CREG2: variants seen among roughly 807,000 people sequenced by gnomAD.
The protein encoded by CREG2 is protein CREG2.
A neutral mutation model predicts 26.2 loss-of-function variants in CREG2; 24 were observed. The ratio of observed to expected loss-of-function variants is 0.92; its 90% CI spans 0.66 to 1.29. The LOEUF (loss-of-function observed/expected upper bound fraction) is 1.29. Ranked by LOEUF, CREG2 falls within the 50% of genes most tolerant of loss-of-function variation. The pLI is 0.00. For synonymous variants in CREG2, 174 were observed against 169.2 expected (o/e 1.03, Z -0.22); for missense variants, 366 against 398.6 (o/e 0.92, Z 0.70).
At chr2:101,362,310 G>GA (rs900596940) in intron 2 of CREG2, among the ~76,000 whole-genome samples, 4 of 151,868 alleles carry the variant, frequency 2.6e-5, no homozygotes, top group Admixed American at 2.6e-4. Context: ...GAGGGAGAGA[G>GA]AAAAAAAATC....
intron 2 of CREG2, among the ~76,000 whole-genome samples, chr2:101,373,439 G>T (rs1684742620): frequency 6.6e-6 from 1 of 152,130 alleles, no homozygotes; most frequent in Admixed American, 6.5e-5. Context: ...TGATTGCCAG[G>T]GGCTAAAAGT....
chr2:101,384,631 G>C (rs1335394247), intron 1 of CREG2, among the ~76,000 whole-genome samples: 2 of 152,162 alleles, frequency 1.3e-5, no homozygotes, highest in Non-Finnish European at 2.9e-5. Flanking sequence ...TGTAATCCTA[G>C]CATTTTGGGA....
At chr2:101,369,590 C>A (rs946408687) in intron 2 of CREG2, among the ~76,000 whole-genome samples, 3 of 152,160 alleles carry the variant, frequency 2.0e-5, no homozygotes, top group African/African-American at 7.2e-5. Flanking sequence ...AAAAGAGCTT[C>A]TCTCTCCCAC....
chr2:101,351,620 G>A (rs1246693669), intron 3 of CREG2, among the ~76,000 whole-genome samples: 1 of 152,172 alleles, frequency 6.6e-6, no homozygotes, highest in Admixed American at 6.5e-5. Flanking sequence ...GAGCTACTGA[G>A]GCAGGTGAGA....
intron 2 of CREG2, 152 bp downstream of exon 2, chr2:101,383,381 G>T: frequency 1.4e-6 from 1 of 725,332 alleles, no homozygotes; most frequent in Non-Finnish European, 2.2e-6. Flanking sequence ...CTTGGTGAGT[G>T]GTGGAATTCT....
At chr2:101,369,846 A>G (rs1374138781) in intron 2 of CREG2, among the ~76,000 whole-genome samples, 2 of 152,236 alleles carry the variant, frequency 1.3e-5, no homozygotes, top group Non-Finnish European at 2.9e-5. Flanking sequence ...ATTTAGAGCA[A>G]GTTTCATGTC....
At chr2:101,357,351 C>G (rs544048698) in intron 2 of CREG2, among the ~76,000 whole-genome samples, 1 of 152,318 alleles carries the variant, frequency 6.6e-6, no homozygotes, top group East Asian at 1.9e-4. Context: ...AAGCTGTCAC[C>G]TCCTACTAAT....
At position 101,387,270 on chromosome 2, in the gene CREG2, A is replaced by G; in HGVS notation, c.188T>C (p.Leu63Pro). The change falls in exon 1 of 4, where the codon CTA (leucine) becomes CCA (proline). Residue 63 changes from leucine to proline, a missense_variant. By Grantham distance (98) the Leu-to-Pro change is moderately conservative. This residue lies in a region of CREG2 where 177 missense variants were observed against 183.3 expected (regional missense o/e 0.97). Coordinates refer to ENST00000324768, the MANE Select transcript of CREG2 (RefSeq NM_153836.4). This position sits in a 1 kb window ranked among gnomAD's most constrained non-coding sequence, Gnocchi z 4.7. Reference sequence around the variant, plus strand: ...CTGCCAGATGCTGCCCGAATCCTCTAGCAGCGCGGGCATAGCCTCCTCAGT... The same window carrying G: ...CTGCCAGATGCTGCCCGAATCCTCTGGCAGCGCGGGCATAGCCTCCTCAGT... Reference protein sequence around the residue: ...ASTEEAMPALLEDSGSIWQQS... With the variant: ...ASTEEAMPALPEDSGSIWQQS... The G allele has an allele frequency of 2.0e-6, 3 of 1,476,818 alleles. No homozygotes were observed. Among genetic ancestry groups the G allele is most frequent in the Non-Finnish European group, 2.7e-6 (3 of 1,105,720 alleles). 91.5% of individuals were successfully genotyped at this position (1,476,818 alleles called of 1,614,324 possible).
At position 101,347,890 on chromosome 2, in the gene CREG2, T is replaced by C. The variant is rs1364296156; in HGVS notation, c.*3033A>G. On this transcript the variant is annotated 3_prime_UTR_variant, in exon 4 of 4. Transcript: ENST00000324768. ...TTTGGTATCAAGTCTAACAACCCTTTGCTTAGCCCTAGTTCCAAAAGATTT... is the reference window on the plus strand; with the variant it reads ...TTTGGTATCAAGTCTAACAACCCTTCGCTTAGCCCTAGTTCCAAAAGATTT... 5.9e-5 allele frequency: 9 copies of C among 152,228 alleles called. No individual in the cohort carries two copies. The highest frequency in any genetic ancestry group is 5.2e-4 in the Admixed American group (8 of 15,290). 9.4% of individuals were successfully genotyped at this position (152,228 alleles called of 1,614,324 possible). A position where few individuals can be genotyped will look rare whatever the true frequency, so the allele number is the denominator to read the frequency against.
In CREG2 at chr2:101,348,590, A is replaced by G. The variant is rs1416859436; in HGVS notation, c.*2333T>C. ...TTTTAGTTTTTTTCCCCACATGTTC[A>G]TCGTTAGCATAGAGAAATGCAATTG... On this transcript the variant is annotated 3_prime_UTR_variant, in exon 4 of 4. Coordinates refer to ENST00000324768, the MANE Select transcript of CREG2 (RefSeq NM_153836.4). 1 of 152,062 alleles carries G rather than the reference A, an allele frequency of 6.6e-6. No homozygotes were observed. Among genetic ancestry groups the G allele is most frequent in the Non-Finnish European group, 1.5e-5 (1 of 68,020 alleles). The allele number at this position is 152,062 out of a possible 1,614,324, so 9.4% of individuals were successfully genotyped here.
intron 3 of CREG2, among the ~76,000 whole-genome samples, chr2:101,352,090 C>T (rs1235864635): frequency 1.3e-5 from 2 of 151,544 alleles, no homozygotes; most frequent in African/African-American, 4.9e-5. Flanking sequence ...CTATGTTGCC[C>T]GGGCTAGTCT....
At chr2:101,371,157 T>A (rs913812137) in intron 2 of CREG2, among the ~76,000 whole-genome samples, 1 of 152,178 alleles carries the variant, frequency 6.6e-6, no homozygotes, top group South Asian at 2.1e-4. Context: ...GAGGCCTCCA[T>A]GGACCAAAGG....
At chr2:101,377,353 G>A (rs1199675140) in intron 2 of CREG2, among the ~76,000 whole-genome samples, 2 of 151,948 alleles carry the variant, frequency 1.3e-5, no homozygotes, top group Non-Finnish European at 1.5e-5. Flanking sequence ...GATCCAATAC[G>A]ATCAGGGAGA....
In CREG2 at chr2:101,387,133, C is replaced by T. The variant is rs1429046482; in HGVS notation, c.325G>A (p.Glu109Lys). The T allele has an allele frequency of 9.6e-6, 12 of 1,248,168 alleles. No homozygotes were observed. Among genetic ancestry groups the T allele is most frequent in the Non-Finnish European group, 1.2e-5 (12 of 997,096 alleles). 77.3% of individuals were successfully genotyped at this position (1,248,168 alleles called of 1,614,324 possible). ...APPGMFSYRR[E>K]GGQTASAPPG... Reference sequence around the variant, plus strand: ...GGCGCACTGGCCGTCTGGCCGCCCTCGCGCCGGTAGGAGAACATCCCGGGT... The same window carrying T: ...GGCGCACTGGCCGTCTGGCCGCCCTTGCGCCGGTAGGAGAACATCCCGGGT... The change falls in exon 1 of 4, where the codon GAG (glutamate) becomes AAG (lysine). Residue 109 changes from glutamate to lysine, a missense_variant. Coordinates refer to ENST00000324768, the MANE Select transcript of CREG2 (RefSeq NM_153836.4). This position sits in a 1 kb window ranked among gnomAD's most constrained non-coding sequence, Gnocchi z 4.7.
chr2:101,367,024 G>A (rs1025649218), intron 2 of CREG2, among the ~76,000 whole-genome samples: 1 of 152,040 alleles, frequency 6.6e-6, no homozygotes, highest in Non-Finnish European at 1.5e-5. Flanking sequence ...TCTTTTGGTG[G>A]GGGGCTGGAG....
intron 2 of CREG2, chr2:101,376,011 C>T (rs1384907604): frequency 9.5e-6 from 2 of 210,796 alleles, no homozygotes; most frequent in East Asian, 1.1e-4. Context: ...TTTCAACTGT[C>T]ACGACATGGG....
chr2:101,351,819 G>A (rs1374736990), intron 3 of CREG2, among the ~76,000 whole-genome samples: 3 of 152,036 alleles, frequency 2.0e-5, no homozygotes, highest in Admixed American at 6.5e-5. Flanking sequence ...TTCAAAGACC[G>A]AGTCCAAACT....
intron 2 of CREG2, among the ~76,000 whole-genome samples, chr2:101,381,446 G>A (rs972762625): frequency 6.6e-6 from 1 of 152,228 alleles, no homozygotes; most frequent in African/African-American, 2.4e-5. Context: ...ACCTCACACA[G>A]GTGAGTCACA....
intron 3 of CREG2, among the ~76,000 whole-genome samples, chr2:101,351,567 C>T (rs1684381761): frequency 1.3e-5 from 2 of 152,094 alleles, no homozygotes; most frequent in Admixed American, 1.3e-4. Context: ...GCTTGTGAAA[C>T]CAGTTCGTTC....
Sources: allele counts gnomAD v4.1 joint callset (sites outside exome capture counted in the v4.1 genomes callset), GRCh38; gene constraint gnomAD v4.1.1; regional missense constraint gnomAD v4.1.1; non-coding constraint Gnocchi (gnomAD v3.1); transcripts MANE v1.5; gene names NCBI Gene and HGNC (gene_info 2026-07-23, HGNC 2026-07-21).